Variants in PBX1 observed in about 807,000 individuals in gnomAD.
PBX1 encodes the protein PBX homeobox 1, also known as pre-B-cell leukemia transcription factor 1.
PBX1 carries 6 observed loss-of-function variants against 53.4 expected under a neutral mutation model. The ratio of observed to expected loss-of-function variants is 0.11; its 90% CI spans 0.06 to 0.22. PBX1 has a LOEUF of 0.22. Ranked by LOEUF, PBX1 falls within the 10% of genes least tolerant of loss-of-function variation. The pLI, the probability that PBX1 is intolerant of heterozygous loss-of-function variation, is 1.00. For synonymous variants in PBX1, 204 were observed against 212.3 expected (o/e 0.96, Z 0.34); for missense variants, 251 against 551.4 (o/e 0.46, Z 5.46).
At chr1:164,707,917 C>T (rs1174644142) in intron 2 of PBX1, among the ~76,000 whole-genome samples, 1 of 152,228 alleles carries the variant, frequency 6.6e-6, no homozygotes, top group Admixed American at 6.5e-5. Flanking sequence ...AAGGCAAGAG[C>T]ATTGGCAGAG....
At chr1:164,773,969 G>A (rs778755409) in intron 2 of PBX1, among the ~76,000 whole-genome samples, 8 of 152,132 alleles carry the variant, frequency 5.3e-5, no homozygotes, top group African/African-American at 4.8e-5. Flanking sequence ...ATTTTTTAAC[G>A]TGATATCCAC....
chr1:164,743,405 T>A (rs1665719863), intron 2 of PBX1, among the ~76,000 whole-genome samples: 1 of 152,174 alleles, frequency 6.6e-6, no homozygotes, highest in Non-Finnish European at 1.5e-5. Flanking sequence ...GATCCACTAG[T>A]TTGATCTTAT....
chr1:164,718,816 G>A (rs1416546473), intron 2 of PBX1, among the ~76,000 whole-genome samples: 1 of 152,152 alleles, frequency 6.6e-6, no homozygotes, highest in African/African-American at 2.4e-5. Context: ...TGAAAAAGAG[G>A]TCTGTTTCAG....
At chr1:164,821,494 C>T (rs770197455) in intron 7 of PBX1, 43 bp from the exon 8 acceptor site, 11 of 1,482,904 alleles carry the variant, frequency 7.4e-6, no homozygotes, top group African/African-American at 1.4e-5. Flanking sequence ...TTTTCCTACA[C>T]CTCTCTGACT....
intron 2 of PBX1, among the ~76,000 whole-genome samples, chr1:164,860,608 C>G (rs1186997105): frequency 6.6e-6 from 1 of 152,106 alleles, no homozygotes; most frequent in African/African-American, 2.4e-5. Flanking sequence ...CTTACGTACT[C>G]CTTCTTCAAG....
At chr1:164,659,432 G>A (rs1348311126) in intron 2 of PBX1, among the ~76,000 whole-genome samples, 1 of 152,186 alleles carries the variant, frequency 6.6e-6, no homozygotes, top group Non-Finnish European at 1.5e-5. Context: ...CAAAGCTGTA[G>A]CATATGTTTC....
chr1:164,615,931 G>C (rs998589002), intron 2 of PBX1, among the ~76,000 whole-genome samples: 2 of 152,276 alleles, frequency 1.3e-5, no homozygotes, highest in Non-Finnish European at 2.9e-5. Flanking sequence ...CAGAGGTTAA[G>C]AGCCAGGAGT....
At chr1:164,588,717 G>A (rs1363354481) in intron 2 of PBX1, among the ~76,000 whole-genome samples, 1 of 151,996 alleles carries the variant, frequency 6.6e-6, no homozygotes, top group Non-Finnish European at 1.5e-5. Context: ...GAGGCTGGAG[G>A]GGGAAGAAAC....
chr1:164,744,589 C>T (rs541584950), intron 2 of PBX1, among the ~76,000 whole-genome samples: 34 of 152,250 alleles, frequency 2.2e-4, no homozygotes, highest in East Asian at 5.8e-4. Context: ...CCTGATCTGG[C>T]GGGATCCCCT....
At chr1:164,707,394 GGT>G (rs3830328) in intron 2 of PBX1, among the ~76,000 whole-genome samples, 2 of 103,418 alleles carry the variant, frequency 1.9e-5, no homozygotes, top group African/African-American at 8.4e-5. Context: ...ACACCACTGA[GGT>G]GTGTGTGTGT....
At chr1:164,680,915 C>T (rs1163176306) in intron 2 of PBX1, 1 of 152,230 alleles carries the variant, frequency 6.6e-6, no homozygotes, top group Non-Finnish European at 1.5e-5. Flanking sequence ...TAATTCATAA[C>T]TCTATAGACA....
chr1:164,794,754 C>T (rs1251444774), intron 3 of PBX1, among the ~76,000 whole-genome samples: 1 of 152,194 alleles, frequency 6.6e-6, no homozygotes, highest in Non-Finnish European at 1.5e-5. Context: ...CAATGTTCTT[C>T]CTAATTCACC....
At chr1:164,668,364 T>G (rs1439127290) in intron 2 of PBX1, among the ~76,000 whole-genome samples, 1 of 152,184 alleles carries the variant, frequency 6.6e-6, no homozygotes, top group East Asian at 1.9e-4. Context: ...AGGGTCAGAC[T>G]TTACTCCTGT....
intron 2 of PBX1, among the ~76,000 whole-genome samples, chr1:164,747,344 C>A (rs1665949008): frequency 6.6e-6 from 1 of 151,960 alleles, no homozygotes. Context: ...TACACACACA[C>A]ACATATGTAT....
At chr1:164,762,187 A>G (rs1386528943) in intron 2 of PBX1, among the ~76,000 whole-genome samples, 4 of 152,184 alleles carry the variant, frequency 2.6e-5, no homozygotes, top group South Asian at 2.1e-4. Flanking sequence ...CCATGGTTCT[A>G]TAAGTTTAAG....
chr1:164,867,803 T>C (rs1283219084), intron 2 of PBX1, among the ~76,000 whole-genome samples: 1 of 152,234 alleles, frequency 6.6e-6, no homozygotes, highest in African/African-American at 2.4e-5. Context: ...ACCTTTCTAT[T>C]CTAAATAACA....
chr1:164,732,534 C>T (rs1665050433), intron 2 of PBX1, among the ~76,000 whole-genome samples: 1 of 152,110 alleles, frequency 6.6e-6, no homozygotes, highest in African/African-American at 2.4e-5. Flanking sequence ...TCTCCCTGTA[C>T]ATTTTCTTCA....
intron 2 of PBX1, among the ~76,000 whole-genome samples, chr1:164,787,289 G>GTT (rs1438296874): frequency 2.6e-5 from 4 of 152,096 alleles, no homozygotes; most frequent in Non-Finnish European, 5.9e-5. Flanking sequence ...TTCTTTATCT[G>GTT]TTTCTCTCTC....
At chr1:164,748,352 CAA>C (rs972620297) in intron 2 of PBX1, among the ~76,000 whole-genome samples, 28 of 152,038 alleles carry the variant, frequency 1.8e-4, no homozygotes, top group Admixed American at 6.6e-5. Context: ...GATCAGAGGC[CAA>C]GAGATAATTA....
Sources: gnomAD v4.1 joint callset for allele counts (sites outside exome capture counted in the v4.1 genomes callset) on GRCh38, gnomAD v4.1.1 for gene constraint, MANE v1.5 for transcripts, NCBI Gene and HGNC (gene_info 2026-07-23, HGNC 2026-07-21) for gene names.